Variants in TNFAIP6 observed in about 807,000 individuals in gnomAD.
TNFAIP6 encodes TNF alpha induced protein 6.
In TNFAIP6, 36 loss-of-function variants were observed where a neutral mutation model predicts 33.7. The observed-to-expected ratio is 1.07, with a 90% CI of 0.82 to 1.41. TNFAIP6 has a LOEUF of 1.41. TNFAIP6 is among the 40% of genes most tolerant of loss of function. The pLI is 0.00. For synonymous variants in TNFAIP6, 113 were observed against 112.8 expected (o/e 1.00, Z -0.01); for missense variants, 273 against 331.9 (o/e 0.82, Z 1.38).
At chr2:151,358,768 C>G (rs1226621067) in intron 1 of TNFAIP6, among the ~76,000 whole-genome samples, 1 of 152,160 alleles carries the variant, frequency 6.6e-6, no homozygotes, top group Non-Finnish European at 1.5e-5. Flanking sequence ...TTGTAATGCA[C>G]AGCCTTGCCG....
chr2:151,374,318 C>T (rs537028525), intron 5 of TNFAIP6, among the ~76,000 whole-genome samples: 3 of 152,136 alleles, frequency 2.0e-5, no homozygotes. Flanking sequence ...TCTCAATATG[C>T]AATATCACTC....
intron 3 of TNFAIP6, among the ~76,000 whole-genome samples, chr2:151,367,131 T>A (rs1287167656): frequency 6.6e-6 from 1 of 152,136 alleles, no homozygotes; most frequent in African/African-American, 2.4e-5. Flanking sequence ...ATAAAATCTA[T>A]TATTTAATTA....
chr2:151,371,593 C>CTTTTTTTTTTTT (rs201397265), intron 4 of TNFAIP6, among the ~76,000 whole-genome samples: 1 of 145,974 alleles, frequency 6.9e-6, no homozygotes, highest in African/African-American at 2.5e-5. Context: ...ATCTTTTTTT[C>CTTTTTTTTTTTT]TTTTTTTTTT....
intron 5 of TNFAIP6, among the ~76,000 whole-genome samples, chr2:151,375,464 A>G (rs956412632): frequency 3.3e-5 from 5 of 152,022 alleles, no homozygotes; most frequent in African/African-American, 1.2e-4. Flanking sequence ...ATCCCAGCAC[A>G]TTGGGAGGAT....
intron 4 of TNFAIP6, among the ~76,000 whole-genome samples, chr2:151,370,790 C>A (rs1684803867): frequency 6.6e-6 from 1 of 152,158 alleles, no homozygotes; most frequent in Admixed American, 6.5e-5. Flanking sequence ...GATTATAGGG[C>A]CGGGCACGGT....
chr2:151,359,386 A>ATTTTTTT (rs35150597), intron 1 of TNFAIP6, among the ~76,000 whole-genome samples: 1 of 130,168 alleles, frequency 7.7e-6, no homozygotes, highest in Non-Finnish European at 1.6e-5. Context: ...GCAACTCATA[A>ATTTTTTT]TTTTTTTTTT....
At chr2:151,360,535 TAATAA>T (rs1235038509) in intron 1 of TNFAIP6, among the ~76,000 whole-genome samples, 2 of 152,184 alleles carry the variant, frequency 1.3e-5, no homozygotes, top group Non-Finnish European at 2.9e-5. Flanking sequence ...CTAGATAAAT[TAATAA>T]AATATTATTG....
chr2:151,379,688 T>A lies in TNFAIP6; in HGVS notation c.*155T>A. 1 of 516,948 alleles carries A rather than the reference T, an allele frequency of 1.9e-6. No homozygotes were observed. Among genetic ancestry groups the A allele is most frequent in the Non-Finnish European group, 3.1e-6 (1 of 326,560 alleles). The allele number at this position is 516,948 out of a possible 1,614,324, so 32.0% of individuals were successfully genotyped here. ...GAAAATTGGAAAATATAGGAAACTT[T>A]AAACGAGAAAATGAAACCTCTCATA... On this transcript the variant is annotated 3_prime_UTR_variant, in exon 6 of 6. Transcript: ENST00000243347.
At chr2:151,364,149 C>T in intron 2 of TNFAIP6, 69 bp downstream of exon 2, 1 of 1,535,696 alleles carries the variant, frequency 6.5e-7, no homozygotes, top group Non-Finnish European at 8.8e-7. Context: ...TTTCCTAAGC[C>T]CTAGTAAGAC....
At chr2:151,367,446 A>G (rs998914614) in intron 3 of TNFAIP6, among the ~76,000 whole-genome samples, 19 of 151,446 alleles carry the variant, frequency 1.3e-4, no homozygotes, top group Middle Eastern at 3.4e-3. Context: ...TATGCAGACC[A>G]CTCTTTTTTA....
At chr2:151,376,439 AAG>A (rs1684908671) in intron 5 of TNFAIP6, among the ~76,000 whole-genome samples, 2 of 151,576 alleles carry the variant, frequency 1.3e-5, no homozygotes, top group Non-Finnish European at 2.9e-5. Flanking sequence ...AAAAAAAAGA[AAG>A]AAAGAACCTG....
intron 4 of TNFAIP6, 73 bp downstream of exon 4, chr2:151,370,321 T>A: frequency 9.2e-7 from 1 of 1,082,256 alleles, no homozygotes; most frequent in Non-Finnish European, 1.4e-6. Flanking sequence ...TAATTTTCCC[T>A]CAACTGTCCC....
At chr2:151,371,604 T>C (rs371504373) in intron 4 of TNFAIP6, among the ~76,000 whole-genome samples, 9 of 150,128 alleles carry the variant, frequency 6.0e-5, no homozygotes, top group South Asian at 2.1e-4. Flanking sequence ...TTTTTTTTTT[T>C]CTTTTTTTTG....
intron 5 of TNFAIP6, among the ~76,000 whole-genome samples, chr2:151,378,143 T>G (rs1221131696): frequency 6.6e-6 from 1 of 152,168 alleles, no homozygotes; most frequent in East Asian, 1.9e-4. Context: ...GAAGGATCAC[T>G]TGAGCACAGG....
chr2:151,364,836 C>A (rs936677424), intron 2 of TNFAIP6, among the ~76,000 whole-genome samples: 4 of 152,070 alleles, frequency 2.6e-5, no homozygotes, highest in Non-Finnish European at 5.9e-5. Context: ...CCAAAGCCTC[C>A]CCAGATGACT....
chr2:151,372,405 A>T (rs923092830), intron 4 of TNFAIP6: 6 of 152,242 alleles, frequency 3.9e-5, no homozygotes, highest in African/African-American at 1.2e-4. Flanking sequence ...AGAATAAATT[A>T]CATATTTAGA....
Position 151,370,049 on chromosome 2 carries a change from C to G in TNFAIP6, c.424C>G (p.Pro142Ala). The G allele has an allele frequency of 6.2e-7, 1 of 1,613,820 alleles. No homozygotes were observed. The highest frequency in any genetic ancestry group is 8.5e-7 in the Non-Finnish European group (1 of 1,179,938). ...AKECGGVFTD[P>A]KQIFKSPGFP... ...GGAGTGTGGTGGCGTCTTTACAGAT[C>G]CAAAGCAAATTTTTAAATCTCCAGG... Residue 142 changes from proline (P) to alanine (A), a missense_variant, in exon 4 of 6, where the codon CCA (proline) becomes GCA (alanine). Physicochemically the swap from Pro to Ala is conservative, Grantham distance 27 (BLOSUM62 -1). Transcript: ENST00000243347.
intron 5 of TNFAIP6, among the ~76,000 whole-genome samples, chr2:151,376,418 CA>C (rs34551708): frequency 0.6 from 68,113 of 114,338 alleles, 20,732 homozygotes; most frequent in East Asian, 0.78. Context: ...TATTCTGTCT[CA>C]AAAAAAAAAA....
chr2:151,375,320 A>C (rs1684887268), intron 5 of TNFAIP6, among the ~76,000 whole-genome samples: 1 of 152,124 alleles, frequency 6.6e-6, no homozygotes, highest in Non-Finnish European at 1.5e-5. Flanking sequence ...ATATAGTTAA[A>C]ACAAAAAAGC....
Sources: gnomAD v4.1 joint callset for allele counts (sites outside exome capture counted in the v4.1 genomes callset) on GRCh38, gnomAD v4.1.1 for gene constraint, MANE v1.5 for transcripts, NCBI Gene and HGNC (gene_info 2026-07-23, HGNC 2026-07-21) for gene names.